The following NDC80 variants were observed in gnomAD, a reference collection of about 807,000 sequenced individuals.
The protein encoded by NDC80 is kinetochore protein NDC80 homolog.
In NDC80, 69 loss-of-function variants were observed where a neutral mutation model predicts 89.3. That is an observed-to-expected ratio of 0.77 (90% CI 0.64 to 0.94). The LOEUF is 0.94. Among genes scored for constraint, NDC80 ranks in the 40% least tolerant of loss-of-function variants. The probability of loss-of-function intolerance (pLI) is 0.00; values close to 1 mark genes in which losing one functional copy is unlikely to be tolerated. For synonymous variants in NDC80, 243 were observed against 255.6 expected, an observed-to-expected ratio of 0.95 and a Z score of 0.47; for missense variants, 593 against 739.6, an observed-to-expected ratio of 0.80 and a Z score of 2.30.
chr18:2,596,396 A>G (rs1165225339), intron 11 of NDC80, among the ~76,000 whole-genome samples: 2 of 151,906 alleles, frequency 1.3e-5, no homozygotes, highest in Non-Finnish European at 2.9e-5. Flanking sequence ...AAAAGAAGAC[A>G]TTTATGCAGC....
At chr18:2,614,435 C>A (rs143504273) in intron 16 of NDC80, 3 of 32,496 alleles carry the variant, frequency 9.2e-5, no homozygotes, top group South Asian at 6.1e-4. Flanking sequence ...GATGCTGTCT[C>A]AAAAAAAGAA....
intron 12 of NDC80, among the ~76,000 whole-genome samples, chr18:2,600,948 G>A (rs908433002): frequency 2.0e-5 from 3 of 152,184 alleles, no homozygotes; most frequent in African/African-American, 7.2e-5. Context: ...ATGAAGTGCT[G>A]TGTTAAAGTC....
At position 2,572,552 on chromosome 18, in the gene NDC80, A is replaced by G. The variant is rs182843662; in HGVS notation, c.-9-425A>G. Among the ~76,000 whole-genome samples the G allele has an allele frequency of 1.2e-4, 18 of 152,336 alleles. No homozygotes were observed. In the East Asian group the frequency reaches 2.9e-3, roughly 24 times the overall value. ...TCTCTGAAACCAAAGAAAAGGAAAC[A>G]TTTTGAGGTGAATAAGAGAATTTGA... On this transcript the variant is annotated intron_variant, in intron 1 of 16. Transcript: ENST00000261597.
At chr18:2,580,417 G>A (rs865927871) in intron 6 of NDC80, among the ~76,000 whole-genome samples, 1 of 150,358 alleles carries the variant, frequency 6.7e-6, no homozygotes, top group African/African-American at 2.5e-5. Context: ...CTCTCCTTTT[G>A]TAGCTTCTGA....
chr18:2,593,878 A>T, intron 10 of NDC80: 1 of 264,676 alleles, frequency 3.8e-6, no homozygotes. Context: ...TGACTGCTTG[A>T]AGCTAGCTTA....
At chr18:2,587,220 C>T (rs1288731436) in intron 7 of NDC80, among the ~76,000 whole-genome samples, 1 of 152,156 alleles carries the variant, frequency 6.6e-6, no homozygotes, top group African/African-American at 2.4e-5. Flanking sequence ...CTTGCCTTCT[C>T]ATAAAGTCTA....
Position 2,590,031 on chromosome 18 carries a change from CG to C in NDC80, c.885del (p.Leu296Ter). 6.3e-7 allele frequency: 1 copy of C among 1,599,164 alleles called. No homozygotes were observed. Among genetic ancestry groups the C allele is most frequent in the Non-Finnish European group, 8.5e-7 (1 of 1,173,000 alleles). ...EREKEPNRLE[S>X]LRKLKASLQG... is the part of the protein sequence containing the mutation. ...TTTCTCTTAAAGAATCGTCTAGAGT[CG>C]TTGAGAAAACTGAAGGCTTCCTTAC... On this transcript the variant is annotated frameshift_variant, in exon 10 of 17. Coordinates refer to ENST00000261597, the MANE Select transcript of NDC80 (RefSeq NM_006101.3). LOFTEE classifies it high-confidence loss of function.
At chr18:2,607,000 C>G (rs568144512) in intron 14 of NDC80, among the ~76,000 whole-genome samples, 3 of 152,028 alleles carry the variant, frequency 2.0e-5, no homozygotes, top group Non-Finnish European at 2.9e-5. Flanking sequence ...ACTGTCTGAC[C>G]AGCATTTTAC....
chr18:2,601,077 G>A (rs1455067670), intron 12 of NDC80, among the ~76,000 whole-genome samples: 1 of 152,040 alleles, frequency 6.6e-6, no homozygotes, highest in Non-Finnish European at 1.5e-5. Flanking sequence ...ACCTACATAT[G>A]AATTGTTTTC....
In NDC80 at chr18:2,585,154, T is replaced by C. The variant is rs2072597407; in HGVS notation, c.621T>C (p.Asp207=). Reference sequence around the variant, plus strand: ...AAGAAAGCTCACCTTTATTTGATGATGGGCAGCCTTGGGGAGAAGAAACTG... The same window carrying C: ...AAGAAAGCTCACCTTTATTTGATGACGGGCAGCCTTGGGGAGAAGAAACTG... ...AMKESSPLFD[D]GQPWGEETED... is the part of the protein sequence containing the mutation. The change falls in exon 7 of 17, where the codon GAT becomes GAC. Residue 207 remains aspartate, a synonymous_variant. Coordinates refer to ENST00000261597, the MANE Select transcript of NDC80 (RefSeq NM_006101.3). 6.2e-7 allele frequency: 1 copy of C among 1,613,588 alleles called. No individual in the cohort carries two copies. The highest frequency in any genetic ancestry group is 8.5e-7 in the Non-Finnish European group (1 of 1,179,696).
rs192686285 is a variant in NDC80, at chr18:2,598,878, T to C, written c.1222-141T>C. On this transcript the variant is annotated intron_variant, in intron 11 of 16. Coordinates refer to ENST00000261597, the MANE Select transcript of NDC80 (RefSeq NM_006101.3). ...TCTTTGTATATTTTAAAACTGCTACTCTTACTGCTAAAGATTACTGAATTA... is the reference window on the plus strand; with the variant it reads ...TCTTTGTATATTTTAAAACTGCTACCCTTACTGCTAAAGATTACTGAATTA... 9 of 765,626 alleles carry C rather than the reference T, an allele frequency of 1.2e-5. No individual in the cohort carries two copies. In the Admixed American group the frequency reaches 2.3e-4, roughly 20 times the overall value. The allele number at this position is 765,626 out of a possible 1,614,324, so 47.4% of individuals were successfully genotyped here.
Position 2,589,217 on chromosome 18 carries a change from T to G in NDC80, c.777T>G (p.Asn259Lys). 6.2e-7 allele frequency: 1 copy of G among 1,611,044 alleles called. No homozygotes were observed. The highest frequency in any genetic ancestry group is 8.5e-7 in the Non-Finnish European group (1 of 1,177,370). Residue 259 changes from asparagine (N) to lysine (K), a missense_variant, in exon 9 of 17, where the codon AAT (asparagine) becomes AAG (lysine). Physicochemically the swap from Asn to Lys is moderately conservative, Grantham distance 94. Transcript: ENST00000261597. ...TTTTGTCTCCAGAGGATTTATTTAA[T>G]GTGGATGCTTTTAAGCTGGAATCAT... Reference protein sequence around the residue: ...ELQSKLKDLFNVDAFKLESLE... With the variant: ...ELQSKLKDLFKVDAFKLESLE...
At chr18:2,598,969 C>A in intron 11 of NDC80, 50 bp from the exon 12 acceptor site, 1 of 1,426,104 alleles carries the variant, frequency 7.0e-7, no homozygotes, top group Non-Finnish European at 9.2e-7. Context: ...TTGAAAAAAA[C>A]ATATGGAATG....
Position 2,601,986 on chromosome 18 carries a change from T to C in NDC80, c.1464+501T>C, listed in dbSNP as rs74622529. Among the ~76,000 whole-genome samples, 1,593 of 152,268 alleles carry C rather than the reference T, an allele frequency of 0.01. 75 individuals are homozygous for C. The East Asian group carries it at 0.14, about 13-fold the overall frequency. ...CTTCTGAGATCCTTAATATCACCTATATCCCTGAAAAGGAAAATTCTATTA... is the reference window on the plus strand; with the variant it reads ...CTTCTGAGATCCTTAATATCACCTACATCCCTGAAAAGGAAAATTCTATTA... On this transcript the variant is annotated intron_variant, in intron 13 of 16. Coordinates refer to ENST00000261597, the MANE Select transcript of NDC80 (RefSeq NM_006101.3).
At chr18:2,579,106 C>A in intron 6 of NDC80, 77 bp downstream of exon 6, 1 of 807,374 alleles carries the variant, frequency 1.2e-6, no homozygotes, top group Non-Finnish European at 1.8e-6. Context: ...CTCTCCCAGT[C>A]TTTTGACAGT....
chr18:2,596,100 A>T (rs1409059089), intron 11 of NDC80, among the ~76,000 whole-genome samples: 1 of 152,210 alleles, frequency 6.6e-6, no homozygotes, highest in African/African-American at 2.4e-5. Context: ...CAGGGTACTG[A>T]GGAAACATAT....
At chr18:2,575,617 AT>A (rs1191230026) in intron 3 of NDC80, among the ~76,000 whole-genome samples, 1 of 151,098 alleles carries the variant, frequency 6.6e-6, no homozygotes, top group Non-Finnish European at 1.5e-5. Context: ...ACAAAAAAAA[AT>A]TTTTTTTAAT....
intron 13 of NDC80, among the ~76,000 whole-genome samples, chr18:2,603,131 G>A (rs1393458231): frequency 1.3e-5 from 2 of 152,012 alleles, no homozygotes; most frequent in African/African-American, 4.8e-5. Context: ...GATTCAGAGT[G>A]TAAGAAGGAG....
intron 14 of NDC80, 75 bp from the exon 15 acceptor site, chr18:2,608,625 A>C: frequency 7.1e-7 from 1 of 1,409,892 alleles, no homozygotes; most frequent in East Asian, 2.3e-5. Context: ...TGCTTTTTAT[A>C]ATTGTTTTAA....
Sources: gnomAD v4.1 joint callset for allele counts (sites outside exome capture counted in the v4.1 genomes callset) on GRCh38, gnomAD v4.1.1 for gene constraint, MANE v1.5 for transcripts, NCBI Gene and HGNC (gene_info 2026-07-23, HGNC 2026-07-21) for gene names.